The following CREB5 variants were observed in gnomAD, a reference collection of about 807,000 sequenced individuals.
The protein encoded by CREB5 is cyclic AMP-responsive element-binding protein 5.
A neutral mutation model predicts 57.1 loss-of-function variants in CREB5; 19 were observed. The ratio of observed to expected loss-of-function variants is 0.33; its 90% CI spans 0.23 to 0.49. The LOEUF (loss-of-function observed/expected upper bound fraction) is 0.49. CREB5 is among the 20% of genes least tolerant of loss of function. The pLI, the probability that CREB5 is intolerant of heterozygous loss-of-function variation, is 0.99. For synonymous variants in CREB5, 238 were observed against 238.3 expected, an observed-to-expected ratio of 1.00 and a Z score of 0.01; for missense variants, 579 against 671.6, an observed-to-expected ratio of 0.86 and a Z score of 1.52.
In CREB5 at chr7:28,560,973, C is replaced by CGCGT. The variant is rs1236299024; in HGVS notation, c.292-9391_292-9390insCGTG. Among the ~76,000 whole-genome samples, 72 of 31,700 alleles carry CGCGT rather than the reference C, an allele frequency of 2.3e-3. 5 individuals are homozygous for CGCGT. Among genetic ancestry groups the CGCGT allele is most frequent in the South Asian group, 5.4e-3 (4 of 744 alleles). The allele number at this position is 31,700 out of a possible 152,430, so 20.8% of individuals were successfully genotyped here. A position where few individuals can be genotyped will look rare whatever the true frequency, so the allele number is the denominator to read the frequency against. The stretch of plus-strand genomic sequence containing the variant: ...GTGCGTGTGTGTGCGTGTGTGTGTG[C>CGCGT]GTGTGTGCGTGCGTGTGTGTGCCTG... On this transcript the variant is annotated intron_variant, in intron 4 of 10. Transcript: ENST00000357727.
intron 1 of CREB5, among the ~76,000 whole-genome samples, chr7:28,392,837 G>A (rs1787248860): frequency 6.6e-6 from 1 of 152,188 alleles, no homozygotes. Flanking sequence ...CAGCTGTGGT[G>A]AGGGCAGGTT....
chr7:28,318,587 C>T (rs966041682), intron 1 of CREB5, among the ~76,000 whole-genome samples: 6 of 152,178 alleles, frequency 3.9e-5, no homozygotes, highest in African/African-American at 1.4e-4. Flanking sequence ...TGCTACAATG[C>T]CTCACTCTCA....
intron 7 of CREB5, among the ~76,000 whole-genome samples, chr7:28,745,308 A>G (rs1485650741): frequency 6.6e-6 from 1 of 152,174 alleles, no homozygotes; most frequent in Non-Finnish European, 1.5e-5. Context: ...TTTCCTTGTT[A>G]ATAGTGACAG....
rs1329986181 is a variant in CREB5 at position 28,504,619 on chromosome 7, T to C, written c.170-2997T>C. 2.0e-5 allele frequency among the ~76,000 whole-genome samples: 3 copies of C among 152,154 alleles called. No homozygotes were observed. In the East Asian group the frequency reaches 5.8e-4, roughly 29 times the overall value. On this transcript the variant is annotated intron_variant, in intron 3 of 10. Coordinates refer to ENST00000357727, the MANE Select transcript of CREB5 (RefSeq NM_182898.4). ...ACTAAAAACAAGTAACTTTTGAGTT[T>C]GAGAGTTGAAAGTTTTTTTTGTTGT...
intron 5 of CREB5, among the ~76,000 whole-genome samples, chr7:28,696,787 C>T (rs1020360625): frequency 6.1e-5 from 9 of 147,490 alleles, no homozygotes; most frequent in East Asian, 1.9e-4. Flanking sequence ...TATACACATA[C>T]GTATACGTAT....
chr7:28,344,181 T>C (rs1785992374), intron 1 of CREB5, among the ~76,000 whole-genome samples: 2 of 152,134 alleles, frequency 1.3e-5, no homozygotes, highest in African/African-American at 4.8e-5. Context: ...TTTTTTGCTT[T>C]TGTTGCCTGT....
chr7:28,560,835 T>TGCGTGC (rs1450019513), intron 4 of CREB5, among the ~76,000 whole-genome samples: 8 of 59,822 alleles, frequency 1.3e-4, no homozygotes, highest in Non-Finnish European at 2.1e-4. Flanking sequence ...CGCGCGCGCG[T>TGCGTGC]GTGTGTGTGC....
At chr7:28,320,007 T>G (rs904759457) in intron 1 of CREB5, among the ~76,000 whole-genome samples, 17 of 152,180 alleles carry the variant, frequency 1.1e-4, no homozygotes, top group Admixed American at 8.5e-4. Flanking sequence ...CTTGGCTCAC[T>G]GCAACCTCTG....
intron 4 of CREB5, among the ~76,000 whole-genome samples, chr7:28,568,189 A>G (rs1399047173): frequency 1.3e-5 from 2 of 152,184 alleles, no homozygotes; most frequent in Non-Finnish European, 2.9e-5. Flanking sequence ...GTGATGGAAA[A>G]GAGGCATCCA....
chr7:28,571,207 A>G (rs557171886), intron 5 of CREB5, among the ~76,000 whole-genome samples: 5 of 152,288 alleles, frequency 3.3e-5, no homozygotes, highest in Non-Finnish European at 5.9e-5. Flanking sequence ...CAGAATGGTG[A>G]GCAGTTTAAA....
chr7:28,422,651 C>T (rs775840025), intron 1 of CREB5, among the ~76,000 whole-genome samples: 17 of 152,094 alleles, frequency 1.1e-4, no homozygotes, highest in East Asian at 1.9e-4. Flanking sequence ...AAAATTGCTG[C>T]GGTTGAATGA....
At chr7:28,494,603 T>C (rs1791940699) in intron 2 of CREB5, among the ~76,000 whole-genome samples, 2 of 152,176 alleles carry the variant, frequency 1.3e-5, no homozygotes, top group African/African-American at 4.8e-5. Context: ...TTCTGCTTAT[T>C]ATCAGTACTC....
chr7:28,717,225 A>C (rs1802743195), intron 5 of CREB5, among the ~76,000 whole-genome samples: 1 of 151,520 alleles, frequency 6.6e-6, no homozygotes, highest in Non-Finnish European at 1.5e-5. Flanking sequence ...CGCCCAGCTA[A>C]TTTTTGTGTT....
At chr7:28,527,451 G>A (rs1158446454) in intron 4 of CREB5, among the ~76,000 whole-genome samples, 1 of 152,186 alleles carries the variant, frequency 6.6e-6, no homozygotes, top group African/African-American at 2.4e-5. Context: ...ACTCTGTCCA[G>A]CCTGTGGCAA....
Position 28,433,350 on chromosome 7 carries a change from CA to C in CREB5, c.3+20438del, listed in dbSNP as rs756728748. Among the ~76,000 whole-genome samples the C allele has an allele frequency of 1.2e-4, 18 of 152,202 alleles. No individual in the cohort carries two copies. The East Asian group carries it at 3.5e-3, about 29-fold the overall frequency. On this transcript the variant is annotated intron_variant, in intron 1 of 10. Coordinates refer to ENST00000357727, the MANE Select transcript of CREB5 (RefSeq NM_182898.4). ...AGAAATAGTTGCCAGTTGATTAGGT[CA>C]AAAATTGTTTTAATTTGCTTTTATT...
chr7:28,503,087 G>A (rs776786203), intron 3 of CREB5, among the ~76,000 whole-genome samples: 36 of 152,326 alleles, frequency 2.4e-4, no homozygotes, highest in African/African-American at 7.2e-4. Context: ...GCTAAGAGTC[G>A]CATATGCATT....
intron 4 of CREB5, among the ~76,000 whole-genome samples, chr7:28,564,176 CATT>C (rs1795391368): frequency 6.6e-6 from 1 of 152,220 alleles, no homozygotes; most frequent in Non-Finnish European, 1.5e-5. Context: ...GCCCAGGCAT[CATT>C]AAGATGCAGA....
chr7:28,682,831 G>A (rs887020264), intron 5 of CREB5, among the ~76,000 whole-genome samples: 5 of 152,162 alleles, frequency 3.3e-5, no homozygotes, highest in African/African-American at 1.2e-4. Flanking sequence ...CTCCATCCCT[G>A]CAATCCAAGT....
At chr7:28,551,967 TTCTC>T (rs1176690385) in intron 4 of CREB5, among the ~76,000 whole-genome samples, 2 of 139,230 alleles carry the variant, frequency 1.4e-5, no homozygotes, top group Middle Eastern at 3.3e-3. Context: ...CTCTTTTTTA[TTCTC>T]TCTTTCTCTC....
Sources: allele counts gnomAD v4.1 joint callset (sites outside exome capture counted in the v4.1 genomes callset), GRCh38; gene constraint gnomAD v4.1.1; transcripts MANE v1.5; gene names NCBI Gene and HGNC (gene_info 2026-07-23, HGNC 2026-07-21).